LRBA: variants seen among roughly 807,000 people sequenced by gnomAD.
The protein encoded by LRBA is lipopolysaccharide-responsive and beige-like anchor protein.
In LRBA, 176 loss-of-function variants were observed where a neutral mutation model predicts 330.0. That is an observed-to-expected ratio of 0.53 (90% CI 0.47 to 0.60). The LOEUF is 0.60. LRBA is among the 20% of genes least tolerant of loss of function. The pLI, the probability that LRBA is intolerant of heterozygous loss-of-function variation, is 0.00. For synonymous variants in LRBA, 1,230 were observed against 1,193.0 expected, an observed-to-expected ratio of 1.03 and a Z score of -0.64; for missense variants, 3,259 against 3,444.8, an observed-to-expected ratio of 0.95 and a Z score of 1.35.
chr4:150,891,516 G>A (rs1729458204), intron 17 of LRBA, among the ~76,000 whole-genome samples: 1 of 152,158 alleles, frequency 6.6e-6, no homozygotes, highest in Non-Finnish European at 1.5e-5. Context: ...ACCTTATCCA[G>A]CTGAAAGCCT....
In LRBA at chr4:150,870,581, T is replaced by C; in HGVS notation, c.2393A>G (p.Gln798Arg). 2 of 1,577,022 alleles carry C rather than the reference T, an allele frequency of 1.3e-6. No homozygotes were observed. Among genetic ancestry groups the C allele is most frequent in the Non-Finnish European group, 1.7e-6 (2 of 1,146,970 alleles). ...FEILIEQIGT[Q>R]VIHKQHPDPD... is the part of the protein sequence containing the mutation. ...ATCTGGATGCTGTTTATGTATCACC[T>C]GAGTACCAATCTGTTCTATAAGAAT... The change falls in exon 20 of 57, where the codon CAG becomes CGG. Residue 798 changes from glutamine to arginine, a missense_variant. Transcript: ENST00000651943.
intron 48 of LRBA, 123 bp from the exon 49 acceptor site, chr4:150,326,021 GT>G (rs1020458521): frequency 6.0e-6 from 4 of 671,306 alleles, no homozygotes; most frequent in African/African-American, 5.3e-5. Flanking sequence ...ATCAACCTGT[GT>G]TTTCACAGTG....
At chr4:150,753,124 C>T (rs1733778162) in intron 35 of LRBA, among the ~76,000 whole-genome samples, 1 of 152,178 alleles carries the variant, frequency 6.6e-6, no homozygotes, top group Admixed American at 6.5e-5. Context: ...CCACTCTGAC[C>T]ACTCTTATTT....
At position 150,909,089 on chromosome 4, in the gene LRBA, T is replaced by A. The variant is rs531638245; in HGVS notation, c.1162-232A>T. On this transcript the variant is annotated intron_variant, in intron 9 of 56. Transcript: ENST00000651943. ...AAATGTAGAAGTGACCAATAGATCA[T>A]ATTTTATCTTTTTTCGTATATTCTT... 6.6e-5 allele frequency among the ~76,000 whole-genome samples: 10 copies of A among 152,356 alleles called. No homozygotes were observed. In the South Asian group the frequency reaches 2.1e-3, roughly 32 times the overall value.
At chr4:150,639,872 T>G (rs1367393143) in intron 37 of LRBA, among the ~76,000 whole-genome samples, 3 of 97,624 alleles carry the variant, frequency 3.1e-5, no homozygotes, top group Non-Finnish European at 2.0e-5. Flanking sequence ...TATATATATA[T>G]TTAGATGGAG....
At chr4:150,719,289 G>A (rs184958002) in intron 36 of LRBA, among the ~76,000 whole-genome samples, 1 of 151,490 alleles carries the variant, frequency 6.6e-6, no homozygotes, top group Admixed American at 6.6e-5. Flanking sequence ...ACACACAAAA[G>A]AACACACACT....
intron 2 of LRBA, among the ~76,000 whole-genome samples, chr4:150,960,305 C>A (rs983933236): frequency 6.7e-6 from 1 of 148,182 alleles, no homozygotes; most frequent in Non-Finnish European, 1.5e-5. Flanking sequence ...GGTATGGAAG[C>A]CAAATCTTCT....
At chr4:150,587,575 G>C (rs1446851665) in intron 40 of LRBA, among the ~76,000 whole-genome samples, 5 of 152,122 alleles carry the variant, frequency 3.3e-5, no homozygotes, top group African/African-American at 1.2e-4. Flanking sequence ...TCTACTATAG[G>C]TAATGGGAAA....
At chr4:150,775,500 C>CAA (rs1553959359) in intron 34 of LRBA, among the ~76,000 whole-genome samples, 1,201 of 8,828 alleles carry the variant, frequency 0.14, 30 homozygotes, top group African/African-American at 0.16. Flanking sequence ...CACACACACA[C>CAA]ACAGTGATTG....
chr4:150,732,040 ATAAT>A (rs1430645457), intron 36 of LRBA, among the ~76,000 whole-genome samples: 1 of 152,162 alleles, frequency 6.6e-6, no homozygotes, highest in African/African-American at 2.4e-5. Context: ...TACACTGAAA[ATAAT>A]TAACTAAAAT....
intron 16 of LRBA, 26 bp from the exon 17 acceptor site, chr4:150,893,175 T>A (rs190823644): frequency 1.6e-4 from 230 of 1,437,638 alleles, no homozygotes; most frequent in Non-Finnish European, 1.8e-4. Context: ...AAATTTTTTT[T>A]AAAAAATGAG....
intron 37 of LRBA, among the ~76,000 whole-genome samples, chr4:150,669,189 A>G (rs886347777): frequency 2.0e-5 from 3 of 152,160 alleles, no homozygotes; most frequent in Non-Finnish European, 2.9e-5. Context: ...ATGCAATAAT[A>G]ATAGCTATTA....
intron 37 of LRBA, among the ~76,000 whole-genome samples, chr4:150,669,771 G>A (rs1045164459): frequency 6.6e-6 from 1 of 152,050 alleles, no homozygotes; most frequent in Non-Finnish European, 1.5e-5. Flanking sequence ...TCACCAAGTT[G>A]GCCAAGCTGG....
intron 2 of LRBA, among the ~76,000 whole-genome samples, chr4:150,966,020 C>T (rs1738838703): frequency 6.6e-6 from 1 of 152,070 alleles, no homozygotes; most frequent in African/African-American, 2.4e-5. Context: ...GAAACAATAC[C>T]ATCCCACAGG....
At chr4:150,868,100 A>T in intron 21 of LRBA, 82 bp downstream of exon 21, 1 of 1,365,838 alleles carries the variant, frequency 7.3e-7, no homozygotes, top group Middle Eastern at 1.9e-4. Context: ...CAGTATTTTT[A>T]AAGCAATTTT....
intron 47 of LRBA, among the ~76,000 whole-genome samples, chr4:150,386,067 A>C (rs1019282037): frequency 1.1e-4 from 17 of 152,206 alleles, no homozygotes; most frequent in African/African-American, 3.6e-4. Flanking sequence ...AATCAACTAA[A>C]ATTTACTTGG....
chr4:150,582,514 A>G (rs186436646), intron 40 of LRBA: 1 of 159,500 alleles, frequency 6.3e-6, no homozygotes, highest in East Asian at 1.9e-4. Context: ...ACCTACACTG[A>G]GCGAAGAAGT....
intron 34 of LRBA, among the ~76,000 whole-genome samples, chr4:150,791,612 A>G (rs1739922870): frequency 6.6e-6 from 1 of 152,214 alleles, no homozygotes; most frequent in Non-Finnish European, 1.5e-5. Context: ...CAGCATTTGA[A>G]CTGAGCCTGA....
At chr4:150,281,502 G>C (rs184159068) in intron 55 of LRBA, among the ~76,000 whole-genome samples, 41 of 152,222 alleles carry the variant, frequency 2.7e-4, no homozygotes, top group Middle Eastern at 6.8e-3. Context: ...TTAGGAGAAG[G>C]GGGTGATCAG....
Sources: allele counts gnomAD v4.1 joint callset (sites outside exome capture counted in the v4.1 genomes callset), GRCh38; gene constraint gnomAD v4.1.1; transcripts MANE v1.5; gene names NCBI Gene and HGNC (gene_info 2026-07-23, HGNC 2026-07-21).